The following TP73 variants were observed in gnomAD, a reference collection of about 807,000 sequenced individuals.
TP73 encodes tumor protein p73.
Under a neutral mutation model 62.5 loss-of-function variants are expected in TP73, and 25 were observed. That is an observed-to-expected ratio of 0.40 (90% CI 0.29 to 0.56). TP73 has a LOEUF of 0.56. Ranked by LOEUF, TP73 falls within the 20% of genes least tolerant of loss-of-function variation. The probability of loss-of-function intolerance (pLI) is 0.46; values close to 1 mark genes in which losing one functional copy is unlikely to be tolerated. For missense variants in TP73, 754 were observed against 913.3 expected (o/e 0.83, Z 2.25); for synonymous variants, 423 against 377.5 (o/e 1.12, Z -1.40).
At chr1:3,726,263 G>T (rs928950154) in intron 6 of TP73, among the ~76,000 whole-genome samples, 2 of 119,330 alleles carry the variant, frequency 1.7e-5, no homozygotes, top group East Asian at 2.7e-4. Flanking sequence ...AGGTGGGTGT[G>T]GGGGGTGGAT....
At chr1:3,679,567 C>T (rs954480278) in intron 1 of TP73, among the ~76,000 whole-genome samples, 7 of 139,390 alleles carry the variant, frequency 5.0e-5, no homozygotes, top group African/African-American at 1.9e-4. Flanking sequence ...CTCCCTGTCT[C>T]TGTCTCTCTC....
At chr1:3,679,578 ACTCT>A (rs143879812) in intron 1 of TP73, among the ~76,000 whole-genome samples, 3 of 120,504 alleles carry the variant, frequency 2.5e-5, no homozygotes, top group Non-Finnish European at 5.5e-5. Context: ...TGTCTCTCTC[ACTCT>A]CTGTCTCTCT....
intron 3 of TP73, chr1:3,690,816 C>A: frequency 4.5e-6 from 7 of 1,540,286 alleles, no homozygotes; most frequent in Non-Finnish European, 6.1e-6. Context: ...GCGGCCACGA[C>A]CGTGACCCTT....
chr1:3,677,472 G>T (rs1207716110), intron 1 of TP73, among the ~76,000 whole-genome samples: 1 of 152,124 alleles, frequency 6.6e-6, no homozygotes, highest in African/African-American at 2.4e-5. Flanking sequence ...CTACAGCCTG[G>T]CTACAGCGTA....
At position 3,730,147 on chromosome 1, in the gene TP73, G is replaced by T. The variant is rs1459951985; in HGVS notation, c.1344G>T (p.Val448=). Residue 448 remains valine, a splice_region_variant and synonymous_variant, in exon 11 of 14, where the codon GTG becomes GTT. Coordinates refer to ENST00000378295, the MANE Select transcript of TP73 (RefSeq NM_005427.4). The part of the protein sequence containing the change: ...SSAATPNLGP[V]GPGMLNNHGH... ...CAGCTACACCCAACCTGGGGCCCGT[G>T]GGTGAGTCCCTTGGGCAGTGCGGGC... 2 of 1,549,698 alleles carry T rather than the reference G, an allele frequency of 1.3e-6. No homozygotes were observed. The highest frequency in any genetic ancestry group is 1.7e-6 in the Non-Finnish European group (2 of 1,145,382).
At chr1:3,729,841 TG>T in intron 10 of TP73, 158 bp from the exon 11 acceptor site, 1 of 1,108,188 alleles carries the variant, frequency 9.0e-7, no homozygotes, top group Non-Finnish European at 1.3e-6. Flanking sequence ...TGGCCGTGCA[TG>T]GCCATGGTTG....
chr1:3,656,169 C>T (rs1644861590), intron 1 of TP73, among the ~76,000 whole-genome samples: 3 of 145,388 alleles, frequency 2.1e-5, no homozygotes, highest in African/African-American at 5.3e-5. Context: ...AGCGAGACTA[C>T]GTCTCAAAAA....
intron 1 of TP73, among the ~76,000 whole-genome samples, chr1:3,674,434 G>A (rs1435488579): frequency 6.6e-6 from 1 of 152,222 alleles, no homozygotes. Flanking sequence ...AGGGGAGTGG[G>A]GCAGCAGGCG....
chr1:3,707,832 G>A (rs905632498), intron 4 of TP73, 41 bp downstream of exon 4: 5 of 1,590,880 alleles, frequency 3.1e-6, no homozygotes, highest in Non-Finnish European at 4.3e-6. Context: ...GCTGCGGGCT[G>A]CGGGCTGGAG....
intron 4 of TP73, among the ~76,000 whole-genome samples, chr1:3,719,140 G>T (rs1413923370): frequency 6.6e-6 from 1 of 152,176 alleles, no homozygotes; most frequent in African/African-American, 2.4e-5. Flanking sequence ...TTTCAAGGGG[G>T]GTCTGCCGCG....
chr1:3,690,624 G>A (rs1231374229), intron 3 of TP73: 8 of 1,332,974 alleles, frequency 6.0e-6, no homozygotes, highest in Non-Finnish European at 7.7e-6. Flanking sequence ...CCCGGACTTG[G>A]ATGAATACTC....
chr1:3,717,082 G>A (rs970125260), intron 4 of TP73, among the ~76,000 whole-genome samples: 5 of 152,242 alleles, frequency 3.3e-5, no homozygotes, highest in East Asian at 1.9e-4. Context: ...GCTGGTTAAC[G>A]GTATTTGCGG....
intron 1 of TP73, among the ~76,000 whole-genome samples, chr1:3,676,340 C>G (rs1222801077): frequency 6.2e-5 from 6 of 96,880 alleles, no homozygotes; most frequent in Non-Finnish European, 1.2e-4. Context: ...GGGATGCAGA[C>G]AGGGAGGGGA....
At chr1:3,707,233 A>G (rs972647071) in intron 3 of TP73, among the ~76,000 whole-genome samples, 2 of 152,264 alleles carry the variant, frequency 1.3e-5, no homozygotes, top group Middle Eastern at 3.4e-3. Context: ...CCGTGTGGGC[A>G]TCAGGGCCTG....
chr1:3,713,301 C>T (rs1221771537), intron 4 of TP73, among the ~76,000 whole-genome samples: 1 of 152,200 alleles, frequency 6.6e-6, no homozygotes, highest in Non-Finnish European at 1.5e-5. Context: ...TGGGGACCGG[C>T]CTCTCCTGGT....
chr1:3,712,024 G>A (rs1270158773), intron 4 of TP73, among the ~76,000 whole-genome samples: 3 of 152,114 alleles, frequency 2.0e-5, no homozygotes, highest in African/African-American at 7.2e-5. Context: ...AACACTAATG[G>A]GTCTGGAGCA....
chr1:3,730,207 C>G, intron 11 of TP73, 59 bp downstream of exon 11: 2 of 1,455,760 alleles, frequency 1.4e-6, no homozygotes, highest in Non-Finnish European at 1.8e-6. Context: ...CTGGGGGCGC[C>G]TAGCTCAGGA....
intron 1 of TP73, among the ~76,000 whole-genome samples, chr1:3,655,528 TA>T (rs2101992499): frequency 6.6e-6 from 1 of 152,320 alleles, no homozygotes; most frequent in African/African-American, 2.4e-5. Context: ...GATTTTGCTT[TA>T]AAAGCAAAAA....
intron 4 of TP73, among the ~76,000 whole-genome samples, chr1:3,717,457 G>A (rs930352144): frequency 2.0e-5 from 3 of 152,232 alleles, no homozygotes; most frequent in South Asian, 2.1e-4. Flanking sequence ...AGGCGGCTCC[G>A]TGTCAACAGC....
Sources: allele counts gnomAD v4.1 joint callset (sites outside exome capture counted in the v4.1 genomes callset), GRCh38; gene constraint gnomAD v4.1.1; transcripts MANE v1.5; gene names NCBI Gene and HGNC (gene_info 2026-07-23, HGNC 2026-07-21).